ZNF138: variants seen among roughly 807,000 people sequenced by gnomAD.
ZNF138 encodes the protein zinc finger protein 138.
A neutral mutation model predicts 33.0 loss-of-function variants in ZNF138; 33 were observed. The observed-to-expected ratio is 1.00, with a 90% CI of 0.76 to 1.34. The LOEUF (loss-of-function observed/expected upper bound fraction) is 1.34. Ranked by LOEUF, ZNF138 falls within the 40% of genes most tolerant of loss-of-function variation. ZNF138 has a pLI of 0.00. For synonymous variants in ZNF138, 139 were observed against 120.4 expected (o/e 1.15, Z -1.01); for missense variants, 360 against 370.8 (o/e 0.97, Z 0.24).
rs780809301 is a variant in ZNF138 at position 64,831,406 on chromosome 7, T to C, written c.209-45T>C. On this transcript the variant is annotated intron_variant, in intron 3 of 3. Transcript: ENST00000307355. ...GTTAGATTTGTAAAGTATATTCATC[T>C]GAGTCTAGCAGGTGGAGTAATTTGT... 5 of 1,455,316 alleles carry C rather than the reference T, an allele frequency of 3.4e-6. No homozygotes were observed. The South Asian group carries it at 7.2e-5, about 21-fold the overall frequency. 90.2% of individuals were successfully genotyped at this position (1,455,316 alleles called of 1,614,324 possible). A position where few individuals can be genotyped will look rare whatever the true frequency, so the allele number is the denominator to read the frequency against.
chr7:64,840,654 G>A, the ZNF138 span, among the ~76,000 whole-genome samples: 150,026 of 152,242 alleles, frequency 0.99, 73,961 homozygotes, highest in East Asian at 1. Context: ...TTTTATGAGT[G>A]AAATAAAAAT....
At chr7:64,813,609 T>C (rs909461840) in intron 1 of ZNF138, among the ~76,000 whole-genome samples, 5 of 152,098 alleles carry the variant, frequency 3.3e-5, no homozygotes, top group Non-Finnish European at 7.4e-5. Context: ...AATTTTTTTG[T>C]ATTTTTAGTA....
chr7:64,840,019 G>C, the ZNF138 span, among the ~76,000 whole-genome samples: 1 of 152,022 alleles, frequency 6.6e-6, no homozygotes, highest in Non-Finnish European at 1.5e-5. Context: ...GTTGAGTTTC[G>C]CGCTTCTGAG....
chr7:64,845,868 G>A, the ZNF138 span, among the ~76,000 whole-genome samples: 3 of 151,986 alleles, frequency 2.0e-5, no homozygotes, highest in Non-Finnish European at 4.4e-5. Context: ...CCCACTCTGG[G>A]TTTTTGTTTA....
the ZNF138 span, among the ~76,000 whole-genome samples, chr7:64,848,704 A>AAT: frequency 9.7e-6 from 1 of 102,616 alleles, no homozygotes; most frequent in Non-Finnish European, 1.8e-5. Context: ...ATTTTGGTGG[A>AAT]TTTTTTTTTT....
At chr7:64,801,965 A>G (rs1421838878) in intron 1 of ZNF138, among the ~76,000 whole-genome samples, 1 of 152,210 alleles carries the variant, frequency 6.6e-6, no homozygotes, top group Non-Finnish European at 1.5e-5. Flanking sequence ...AAATATTTTA[A>G]GAGATTTATT....
intron 1 of ZNF138, among the ~76,000 whole-genome samples, chr7:64,810,477 G>T (rs937159524): frequency 1.3e-5 from 2 of 151,334 alleles, no homozygotes. Flanking sequence ...GAGGGAGAGC[G>T]TATTTCTGTT....
the ZNF138 span, among the ~76,000 whole-genome samples, chr7:64,841,402 A>G: frequency 2.6e-5 from 4 of 152,192 alleles, no homozygotes; most frequent in Non-Finnish European, 5.9e-5. Context: ...ATGTTTTTTA[A>G]TATATAAATG....
intron 3 of ZNF138, among the ~76,000 whole-genome samples, chr7:64,817,628 C>T (rs1788767831): frequency 6.6e-6 from 1 of 152,144 alleles, no homozygotes; most frequent in Non-Finnish European, 1.5e-5. Context: ...CAGGTGTGAG[C>T]CATGATGCCT....
rs555543586 is a variant in ZNF138, at chr7:64,826,650, T to C, written c.209-4801T>C. On this transcript the variant is annotated intron_variant, in intron 3 of 3. Transcript: ENST00000307355. ...TTTAACCTTTTTTTAAAATTTTTTT[T>C]TAGACAGAGTTTCACTGTCTTCACA... is the stretch of plus-strand genomic sequence containing the variant. Among the ~76,000 whole-genome samples the C allele has an allele frequency of 4.6e-5, 7 of 152,146 alleles. No homozygotes were observed. In the South Asian group the frequency reaches 1.2e-3, roughly 27 times the overall value.
chr7:64,800,543 T>A (rs990628067), intron 1 of ZNF138, among the ~76,000 whole-genome samples: 8 of 152,224 alleles, frequency 5.3e-5, no homozygotes, highest in African/African-American at 1.9e-4. Context: ...GCCTACTTGA[T>A]CATAACTGAT....
the ZNF138 span, among the ~76,000 whole-genome samples, chr7:64,858,666 A>G: frequency 3.9e-5 from 6 of 152,190 alleles, no homozygotes; most frequent in South Asian, 2.1e-4. Context: ...TGTCGCAGGC[A>G]ATCATTATTC....
At chr7:64,810,189 A>G (rs1311999696) in intron 1 of ZNF138, among the ~76,000 whole-genome samples, 2 of 142,764 alleles carry the variant, frequency 1.4e-5, no homozygotes, top group African/African-American at 5.2e-5. Flanking sequence ...AGTGAACGAG[A>G]CTCCGTCTGC....
intron 3 of ZNF138, among the ~76,000 whole-genome samples, chr7:64,818,770 T>C (rs538718738): frequency 1.5e-4 from 23 of 152,016 alleles, no homozygotes; most frequent in African/African-American, 5.3e-4. Context: ...AAAAAGTGCT[T>C]ATTGAAAATT....
At chr7:64,859,878 C>T in the ZNF138 span, among the ~76,000 whole-genome samples, 1 of 152,190 alleles carries the variant, frequency 6.6e-6, no homozygotes, top group Non-Finnish European at 1.5e-5. Context: ...GTGGCTCACG[C>T]CTGTAATCCC....
chr7:64,837,027 G>T (rs1341461216), downstream of ZNF138: 2 of 152,232 alleles, frequency 1.3e-5, no homozygotes, highest in East Asian at 3.9e-4. Context: ...AGATTTTCAG[G>T]CCAGCGAAAG....
chr7:64,820,793 A>C (rs149068989), intron 3 of ZNF138, among the ~76,000 whole-genome samples: 1 of 151,656 alleles, frequency 6.6e-6, no homozygotes, highest in East Asian at 1.9e-4. Context: ...CGAAGTCCTG[A>C]TCTCAAGTGA....
Position 64,797,131 on chromosome 7 carries a change from A to C in ZNF138, c.3+2560A>C, listed in dbSNP as rs566199143. Among the ~76,000 whole-genome samples, 14 of 151,522 alleles carry C rather than the reference A, an allele frequency of 9.2e-5. No individual in the cohort carries two copies. The South Asian group carries it at 2.9e-3, about 31-fold the overall frequency. On this transcript the variant is annotated intron_variant, in intron 1 of 3. Transcript: ENST00000307355. Reference sequence around the variant, plus strand: ...TTGGTGAGTTATACAGATTCATGAAAATATCAGTTCCTCCTTTTTCAGGGT... The same window carrying C: ...TTGGTGAGTTATACAGATTCATGAACATATCAGTTCCTCCTTTTTCAGGGT...
chr7:64,836,561 A>G (rs192385767), downstream of ZNF138: 17 of 152,352 alleles, frequency 1.1e-4, no homozygotes, highest in African/African-American at 4.1e-4. Flanking sequence ...CGGGGGTCCT[A>G]AGGGTCAGAG....
Sources: allele counts gnomAD v4.1 joint callset (sites outside exome capture counted in the v4.1 genomes callset), GRCh38; gene constraint gnomAD v4.1.1; transcripts MANE v1.5; gene names NCBI Gene and HGNC (gene_info 2026-07-23, HGNC 2026-07-21).